The following ZNF704 variants were observed in gnomAD, a reference collection of about 807,000 sequenced individuals.
The protein encoded by ZNF704 is zinc finger protein 704, also known as glucocorticoid induced gene 1.
Under a neutral mutation model 44.7 loss-of-function variants are expected in ZNF704, and 10 were observed. The ratio of observed to expected loss-of-function variants is 0.22; its 90% CI spans 0.14 to 0.38. The LOEUF is 0.38. Ranked by LOEUF, ZNF704 falls within the 10% of genes least tolerant of loss-of-function variation. The pLI is 1.00. For missense variants in ZNF704, 390 were observed against 545.5 expected (o/e 0.71, Z 2.84); for synonymous variants, 211 against 207.6 (o/e 1.02, Z -0.14).
At chr8:80,801,886 C>T (rs552196410) in intron 2 of ZNF704, among the ~76,000 whole-genome samples, 2 of 152,118 alleles carry the variant, frequency 1.3e-5, no homozygotes, top group Admixed American at 6.6e-5. Flanking sequence ...AATCCAGGAG[C>T]TGGTTTTTTG....
intron 2 of ZNF704, among the ~76,000 whole-genome samples, chr8:80,795,725 A>G (rs1022064546): frequency 6.6e-6 from 1 of 152,130 alleles, no homozygotes; most frequent in Non-Finnish European, 1.5e-5. Flanking sequence ...TCTCAAAAAA[A>G]AAAAAAAAAA....
chr8:80,666,100 G>A (rs993998411), intron 5 of ZNF704, among the ~76,000 whole-genome samples: 2 of 150,660 alleles, frequency 1.3e-5, no homozygotes, highest in Non-Finnish European at 3.0e-5. Flanking sequence ...ATCTCCCAAC[G>A]CTATCCCTTC....
chr8:80,877,457 G>A (rs1316626865), upstream of ZNF704, among the ~76,000 whole-genome samples: 1 of 152,176 alleles, frequency 6.6e-6, no homozygotes, highest in East Asian at 1.9e-4. Flanking sequence ...CACACTACAT[G>A]CATGACATGG....
chr8:80,701,060 G>A (rs1361249108), intron 2 of ZNF704, among the ~76,000 whole-genome samples: 1 of 152,018 alleles, frequency 6.6e-6, no homozygotes, highest in Non-Finnish European at 1.5e-5. Context: ...GCTCAGCGGG[G>A]TTCTCCCTTT....
intron 2 of ZNF704, among the ~76,000 whole-genome samples, chr8:80,802,711 T>C (rs143879195): frequency 8.5e-5 from 13 of 152,234 alleles, no homozygotes; most frequent in African/African-American, 3.1e-4. Context: ...GAGCCATATA[T>C]GACAAACCCA....
chr8:80,734,305 C>A (rs1008548398), intron 2 of ZNF704, among the ~76,000 whole-genome samples: 3 of 152,170 alleles, frequency 2.0e-5, no homozygotes, highest in Non-Finnish European at 4.4e-5. Context: ...GTCCACAGGA[C>A]CCTGGGAATA....
At chr8:80,665,962 T>TTTA (rs910785130) in intron 5 of ZNF704, among the ~76,000 whole-genome samples, 3 of 114,210 alleles carry the variant, frequency 2.6e-5, no homozygotes, top group African/African-American at 1.2e-4. Flanking sequence ...TTATTTTTTA[T>TTTA]TTATTTATTT....
intron 4 of ZNF704, among the ~76,000 whole-genome samples, chr8:80,676,316 G>A (rs1818365141): frequency 6.6e-6 from 1 of 152,186 alleles, no homozygotes; most frequent in African/African-American, 2.4e-5. Flanking sequence ...TATGCTGATG[G>A]GAGTGACTGC....
intron 2 of ZNF704, among the ~76,000 whole-genome samples, chr8:80,698,401 C>T (rs1278063262): frequency 6.6e-6 from 1 of 152,082 alleles, no homozygotes; most frequent in Non-Finnish European, 1.5e-5. Context: ...GGCAAGGCTT[C>T]CTTTAAAAAG....
chr8:80,759,813 T>C (rs1038006011), intron 2 of ZNF704, among the ~76,000 whole-genome samples: 10 of 152,232 alleles, frequency 6.6e-5, no homozygotes, highest in African/African-American at 1.7e-4. Context: ...TGGAGTGCAG[T>C]GGTCTGATCA....
At chr8:80,840,815 T>C (rs1470859135) in intron 1 of ZNF704, among the ~76,000 whole-genome samples, 1 of 152,184 alleles carries the variant, frequency 6.6e-6, no homozygotes, top group East Asian at 1.9e-4. Flanking sequence ...ATAAACACTT[T>C]TCAATTTCCA....
intron 2 of ZNF704, among the ~76,000 whole-genome samples, chr8:80,723,382 T>C (rs1410066893): frequency 6.6e-6 from 1 of 152,170 alleles, no homozygotes; most frequent in African/African-American, 2.4e-5. Context: ...CAGGATTATA[T>C]AGTCAAAGGA....
At chr8:80,818,422 C>T (rs1808212190) in intron 2 of ZNF704, among the ~76,000 whole-genome samples, 1 of 152,074 alleles carries the variant, frequency 6.6e-6, no homozygotes, top group African/African-American at 2.4e-5. Context: ...TCCCTATAGA[C>T]ACAAAATCAG....
At chr8:80,720,069 C>A (rs1207665355) in intron 2 of ZNF704, among the ~76,000 whole-genome samples, 1 of 152,196 alleles carries the variant, frequency 6.6e-6, no homozygotes, top group Admixed American at 6.5e-5. Flanking sequence ...GATTTAAATT[C>A]GAGTCTGTCT....
chr8:80,805,869 T>C (rs2129814348), intron 2 of ZNF704, among the ~76,000 whole-genome samples: 1 of 152,326 alleles, frequency 6.6e-6, no homozygotes, highest in African/African-American at 2.4e-5. Context: ...CAGACAGCAA[T>C]GCACCACACT....
intron 1 of ZNF704, among the ~76,000 whole-genome samples, chr8:80,836,656 G>A (rs550860476): frequency 6.6e-6 from 1 of 151,904 alleles, no homozygotes; most frequent in Non-Finnish European, 1.5e-5. Flanking sequence ...ATGGTGGTAC[G>A]TGCCTTTAGT....
At chr8:80,684,215 C>T (rs1047972445) in intron 4 of ZNF704, among the ~76,000 whole-genome samples, 1 of 152,174 alleles carries the variant, frequency 6.6e-6, no homozygotes, top group South Asian at 2.1e-4. Flanking sequence ...TAATTTACCA[C>T]AAATTGTATT....
At chr8:80,699,181 G>C (rs1015414621) in intron 2 of ZNF704, among the ~76,000 whole-genome samples, 12 of 152,090 alleles carry the variant, frequency 7.9e-5, no homozygotes, top group African/African-American at 2.2e-4. Context: ...TACTGGAAAG[G>C]CTATAATAAT....
intron 2 of ZNF704, among the ~76,000 whole-genome samples, chr8:80,722,096 T>A (rs1469533234): frequency 6.6e-6 from 1 of 152,062 alleles, no homozygotes; most frequent in Non-Finnish European, 1.5e-5. Context: ...AAAACGTAGC[T>A]GGGAGTGGTG....
Sources: allele counts gnomAD v4.1 joint callset (sites outside exome capture counted in the v4.1 genomes callset), GRCh38; gene constraint gnomAD v4.1.1; transcripts MANE v1.5; gene names NCBI Gene and HGNC (gene_info 2026-07-23, HGNC 2026-07-21).